The following STK38L variants were observed in gnomAD, a reference collection of about 807,000 sequenced individuals.
STK38L encodes serine/threonine kinase 38 like.
In STK38L, 28 loss-of-function variants were observed where a neutral mutation model predicts 59.7. The ratio of observed to expected loss-of-function variants is 0.47; its 90% confidence interval spans 0.35 to 0.64. STK38L has a LOEUF of 0.64. Ranked by LOEUF, STK38L falls within the 30% of genes least tolerant of loss-of-function variation. The pLI is 0.01. For missense variants in STK38L, 314 were observed against 555.8 expected (o/e 0.56, Z 4.37); for synonymous variants, 162 against 176.8 (o/e 0.92, Z 0.66).
At chr12:27,282,302 A>G (rs1457832815) in intron 1 of STK38L, among the ~76,000 whole-genome samples, 2 of 152,194 alleles carry the variant, frequency 1.3e-5, no homozygotes, top group South Asian at 4.1e-4. Context: ...CTTCTGTTGT[A>G]TAAGTAGAAA....
intron 1 of STK38L, among the ~76,000 whole-genome samples, chr12:27,294,135 T>TTA (rs1385884222): frequency 6.6e-6 from 1 of 152,202 alleles, no homozygotes; most frequent in Admixed American, 6.5e-5. Flanking sequence ...AACTGCAATT[T>TTA]TATATGCCTA....
intron 1 of STK38L, among the ~76,000 whole-genome samples, chr12:27,248,829 CAG>C (rs1366370667): frequency 6.6e-6 from 1 of 152,122 alleles, no homozygotes; most frequent in African/African-American, 2.4e-5. Flanking sequence ...TGAAATAAGA[CAG>C]AGATGGCAAA....
chr12:27,261,461 ACAGACCTGAG>A (rs1943202918), intron 1 of STK38L, among the ~76,000 whole-genome samples: 1 of 152,170 alleles, frequency 6.6e-6, no homozygotes, highest in Admixed American at 6.5e-5. Context: ...ATGGGTTTCC[ACAGACCTGAG>A]ACCACTTTGT....
chr12:27,261,216 T>G (rs2029095), intron 1 of STK38L, among the ~76,000 whole-genome samples: 148,904 of 152,272 alleles, frequency 0.98, 72,816 homozygotes, highest in East Asian at 1. Flanking sequence ...ATTGATTTTA[T>G]CTGTGGGAGA....
At chr12:27,266,231 T>A (rs372118278) in intron 1 of STK38L, among the ~76,000 whole-genome samples, 2 of 152,246 alleles carry the variant, frequency 1.3e-5, no homozygotes, top group East Asian at 1.9e-4. Context: ...TTAAAATAAA[T>A]GTGCATCTTT....
At chr12:27,310,257 A>C (rs913795201) in intron 5 of STK38L, among the ~76,000 whole-genome samples, 12 of 152,184 alleles carry the variant, frequency 7.9e-5, no homozygotes, top group Admixed American at 1.3e-4. Flanking sequence ...GAAGGTTGAG[A>C]TACTGAGTTG....
Position 27,322,491 on chromosome 12 carries a change from A to AGGT in STK38L, c.*37_*39dup. The stretch of plus-strand genomic sequence containing the variant: ...CATTCACCCATAACCAAGAGAACTC[A>AGGT]GGTAGCTGCATCACCAGGCTTGCTT... On this transcript the variant is annotated 3_prime_UTR_variant, in exon 14 of 14. Transcript: ENST00000389032. 6.3e-7 allele frequency: 1 copy of AGGT among 1,598,888 alleles called. No individual in the cohort carries two copies. The highest frequency in any genetic ancestry group is 1.1e-5 in the South Asian group (1 of 87,970).
intron 3 of STK38L, among the ~76,000 whole-genome samples, chr12:27,306,491 TTTA>T (rs1163840033): frequency 1.3e-5 from 2 of 152,262 alleles, no homozygotes; most frequent in African/African-American, 4.8e-5. Context: ...AATTTATTTT[TTTA>T]TTATTCAAAA....
rs1336740308 is a variant in STK38L, at chr12:27,323,276, CATT to C, written c.*825_*827del. The C allele has an allele frequency of 6.6e-6, 1 of 152,120 alleles. No individual in the cohort carries two copies. The highest frequency in any genetic ancestry group is 1.9e-4 in the East Asian group (1 of 5,204). The allele number at this position is 152,120 out of a possible 1,614,324, so 9.4% of individuals were successfully genotyped here. On this transcript the variant is annotated 3_prime_UTR_variant, in exon 14 of 14. Coordinates refer to ENST00000389032, the MANE Select transcript of STK38L (RefSeq NM_015000.4). Reference sequence around the variant, plus strand: ...TTCTTTTTTTAACAAGAGGACATGGCATTATTTTAATTTGATTATGGTGAGTTG... The same window carrying C: ...TTCTTTTTTTAACAAGAGGACATGGCATTTTAATTTGATTATGGTGAGTTG...
rs1944390699 is a variant in STK38L, at chr12:27,308,928, A to AT, written c.310-186_310-185insT. ...TATATAAATATATATTAATATATATAAAATATATATAAATATATATATAAC... is the reference window on the plus strand; with the variant it reads ...TATATAAATATATATTAATATATATATAAATATATATAAATATATATATAAC... On this transcript the variant is annotated intron_variant, in intron 4 of 13. Coordinates refer to ENST00000389032, the MANE Select transcript of STK38L (RefSeq NM_015000.4). This position sits in a 1 kb window ranked among gnomAD's most constrained non-coding sequence, Gnocchi z 4.5. 1.4e-5 allele frequency among the ~76,000 whole-genome samples: 2 copies of AT among 145,830 alleles called. No individual in the cohort carries two copies. Among genetic ancestry groups the AT allele is most frequent in the African/African-American group, 5.0e-5 (2 of 40,354 alleles).
intron 1 of STK38L, among the ~76,000 whole-genome samples, chr12:27,292,115 A>G (rs1943909897): frequency 6.6e-6 from 1 of 152,262 alleles, no homozygotes; most frequent in Non-Finnish European, 1.5e-5. Flanking sequence ...TTATCAGTCC[A>G]GGAATTCTAG....
intron 1 of STK38L, among the ~76,000 whole-genome samples, chr12:27,249,580 C>T (rs780958666): frequency 8.5e-5 from 13 of 152,202 alleles, no homozygotes; most frequent in South Asian, 4.1e-4. Flanking sequence ...TCAGGTGATC[C>T]GCCCGCCTCG....
At chr12:27,275,796 A>G (rs945459736) in intron 1 of STK38L, among the ~76,000 whole-genome samples, 4 of 152,218 alleles carry the variant, frequency 2.6e-5, no homozygotes, top group Non-Finnish European at 5.9e-5. Flanking sequence ...GTCACAGTGT[A>G]CCATTATAAC....
At chr12:27,276,149 A>T (rs1943531424) in intron 1 of STK38L, among the ~76,000 whole-genome samples, 1 of 152,142 alleles carries the variant, frequency 6.6e-6, no homozygotes, top group Non-Finnish European at 1.5e-5. Context: ...AGTAAACTGT[A>T]CCTCCCTGTG....
chr12:27,302,420 G>T, intron 3 of STK38L: 2 of 322,350 alleles, frequency 6.2e-6, no homozygotes, highest in East Asian at 5.1e-5. Context: ...TATTTTAGGT[G>T]TGTGGAATGA....
At chr12:27,266,950 T>C (rs772408890) in intron 1 of STK38L, among the ~76,000 whole-genome samples, 16 of 152,248 alleles carry the variant, frequency 1.1e-4, no homozygotes, top group Non-Finnish European at 1.6e-4. Context: ...CCCTCAGACA[T>C]ATTTAAGAAA....
intron 9 of STK38L, 104 bp downstream of exon 9, chr12:27,315,454 T>A: frequency 2.3e-6 from 2 of 877,800 alleles, no homozygotes; most frequent in South Asian, 3.7e-5. Context: ...ATTTACTTCA[T>A]AACAATGGTA....
At chr12:27,287,946 G>C (rs933914353) in intron 1 of STK38L, among the ~76,000 whole-genome samples, 6 of 152,118 alleles carry the variant, frequency 3.9e-5, no homozygotes, top group Admixed American at 3.3e-4. Context: ...GCAGTGGTGC[G>C]ATCTTGGCTC....
intron 1 of STK38L, among the ~76,000 whole-genome samples, chr12:27,256,689 T>C (rs1232873214): frequency 6.6e-6 from 1 of 152,256 alleles, no homozygotes; most frequent in East Asian, 1.9e-4. Flanking sequence ...CAGTGCTAAC[T>C]GGAAAGTGTT....
Sources: allele counts gnomAD v4.1 joint callset (sites outside exome capture counted in the v4.1 genomes callset), GRCh38; gene constraint gnomAD v4.1.1; non-coding constraint Gnocchi (gnomAD v3.1); transcripts MANE v1.5; gene names NCBI Gene and HGNC (gene_info 2026-07-23, HGNC 2026-07-21).